Variants in SLC22A23 observed in about 807,000 individuals in gnomAD.
The protein encoded by SLC22A23 is ion transporter protein.
Under a neutral mutation model 61.0 loss-of-function variants are expected in SLC22A23, and 26 were observed. That is an observed-to-expected ratio of 0.43 (90% CI 0.31 to 0.59). SLC22A23 has a LOEUF of 0.59. Among genes scored for constraint, SLC22A23 ranks in the 20% least tolerant of loss-of-function variants. The pLI, the probability that SLC22A23 is intolerant of heterozygous loss-of-function variation, is 0.11. For missense variants in SLC22A23, 796 were observed against 934.7 expected (o/e 0.85, Z 1.94); for synonymous variants, 430 against 413.9 (o/e 1.04, Z -0.47).
At position 3,317,439 on chromosome 6, in the gene SLC22A23, G is replaced by T. The variant is rs1337909336; in HGVS notation, c.1082+6395C>A. On this transcript the variant is annotated intron_variant, in intron 4 of 9. Transcript: ENST00000406686. The surrounding 1 kb of genome is among the most constrained non-coding windows in gnomAD (Gnocchi z 4.4). ...ACCTCCTGCCACCTATCTTCCTAGC[G>T]CATCTAAGCAGAATTCCTCCTAGAT... is the stretch of plus-strand genomic sequence containing the variant. 6.6e-6 allele frequency among the ~76,000 whole-genome samples: 1 copy of T among 152,038 alleles called. No homozygotes were observed. The highest frequency in any genetic ancestry group is 6.6e-5 in the Admixed American group (1 of 15,266).
intron 4 of SLC22A23, among the ~76,000 whole-genome samples, chr6:3,319,544 T>C (rs1762832124): frequency 6.6e-6 from 1 of 152,234 alleles, no homozygotes; most frequent in Non-Finnish European, 1.5e-5. Context: ...GCTCTGGAGA[T>C]GTATCTAGAA....
chr6:3,296,010 G>A (rs1761053773), intron 5 of SLC22A23, among the ~76,000 whole-genome samples: 1 of 152,226 alleles, frequency 6.6e-6, no homozygotes, highest in African/African-American at 2.4e-5. Context: ...TCCAAATATA[G>A]GAGGGAAATG....
chr6:3,440,709 A>G (rs1456145009), intron 1 of SLC22A23, among the ~76,000 whole-genome samples: 1 of 32,620 alleles, frequency 3.1e-5, no homozygotes, highest in Non-Finnish European at 7.7e-5. Context: ...TCCGTCTCAG[A>G]AAAAAAAAAA....
chr6:3,334,584 G>T (rs1192990914), intron 3 of SLC22A23, among the ~76,000 whole-genome samples: 1 of 152,016 alleles, frequency 6.6e-6, no homozygotes, highest in Non-Finnish European at 1.5e-5. Flanking sequence ...AAGTTGCAAA[G>T]AAATTCAAAA....
At chr6:3,397,722 C>T (rs1002661863) in intron 3 of SLC22A23, among the ~76,000 whole-genome samples, 6 of 152,150 alleles carry the variant, frequency 3.9e-5, no homozygotes, top group African/African-American at 1.4e-4. Flanking sequence ...CAAAACAGTG[C>T]TCAGCTATAC....
intron 9 of SLC22A23, chr6:3,282,438 T>C (rs1759556467): frequency 3.2e-6 from 2 of 621,594 alleles, no homozygotes; most frequent in African/African-American, 1.8e-5. Flanking sequence ...TCCAAGAGAA[T>C]GAATCAAAAA....
At chr6:3,409,717 A>C (rs1769080104) in intron 3 of SLC22A23, among the ~76,000 whole-genome samples, 1 of 152,188 alleles carries the variant, frequency 6.6e-6, no homozygotes, top group African/African-American at 2.4e-5. Flanking sequence ...AAAAAGACCA[A>C]ATACTAGCTA....
intron 9 of SLC22A23, among the ~76,000 whole-genome samples, chr6:3,275,845 G>C (rs1336267089): frequency 1.3e-5 from 2 of 152,232 alleles, no homozygotes; most frequent in Non-Finnish European, 2.9e-5. Context: ...GCCTCCCAAA[G>C]TGTTGGGATT....
intron 3 of SLC22A23, among the ~76,000 whole-genome samples, chr6:3,383,459 A>T (rs78217695): frequency 0.022 from 3,391 of 152,328 alleles, 142 homozygotes; most frequent in East Asian, 0.15. Flanking sequence ...ATATCTTATT[A>T]GTATTTTTAT....
intron 3 of SLC22A23, among the ~76,000 whole-genome samples, chr6:3,406,554 A>ATGTGTG (rs1768854343): frequency 3.8e-5 from 1 of 26,264 alleles, no homozygotes; most frequent in Non-Finnish European, 8.4e-5. Flanking sequence ...GTGTGCGCGC[A>ATGTGTG]TGTGTGTGTG....
chr6:3,359,849 T>C (rs1287699520), intron 3 of SLC22A23, among the ~76,000 whole-genome samples: 1 of 152,220 alleles, frequency 6.6e-6, no homozygotes, highest in Admixed American at 6.5e-5. Flanking sequence ...ATCCAGAGGA[T>C]GAAATATAAC....
At chr6:3,273,486 C>A in intron 9 of SLC22A23, 74 bp from the exon 10 acceptor site, 1 of 1,530,278 alleles carries the variant, frequency 6.5e-7, no homozygotes, top group Non-Finnish European at 8.9e-7. Flanking sequence ...TCGGGGTGGA[C>A]CAGGAAGCCA....
At chr6:3,380,999 C>T (rs1165472881) in intron 3 of SLC22A23, among the ~76,000 whole-genome samples, 3 of 152,162 alleles carry the variant, frequency 2.0e-5, no homozygotes, top group Non-Finnish European at 2.9e-5. Flanking sequence ...TCTGCCTAAC[C>T]TCATGGGCAT....
At chr6:3,444,561 T>C (rs1407207423) in intron 1 of SLC22A23, among the ~76,000 whole-genome samples, 1 of 152,084 alleles carries the variant, frequency 6.6e-6, no homozygotes, top group Non-Finnish European at 1.5e-5. Flanking sequence ...TGGCATAAAC[T>C]CAGATTTCTG....
chr6:3,293,167 T>A (rs999792179), intron 5 of SLC22A23, among the ~76,000 whole-genome samples: 1 of 152,156 alleles, frequency 6.6e-6, no homozygotes, highest in African/African-American at 2.4e-5. Flanking sequence ...TGGACGATGC[T>A]AGTGCGTTAG....
intron 3 of SLC22A23, among the ~76,000 whole-genome samples, chr6:3,371,102 G>C (rs1766190712): frequency 1.3e-5 from 2 of 152,214 alleles, no homozygotes; most frequent in African/African-American, 2.4e-5. Context: ...TTCAGACTTA[G>C]AGTGATTATG....
chr6:3,344,866 G>C (rs1392473038), intron 3 of SLC22A23, among the ~76,000 whole-genome samples: 1 of 152,180 alleles, frequency 6.6e-6, no homozygotes, highest in Non-Finnish European at 1.5e-5. Context: ...GCAAACACAG[G>C]AGAAAACTCA....
rs576080958 is a variant in SLC22A23, at chr6:3,377,888, C to T, written c.913+32300G>A. On this transcript the variant is annotated intron_variant, in intron 3 of 9. Coordinates refer to ENST00000406686, the MANE Select transcript of SLC22A23 (RefSeq NM_015482.2). ...GCTGCAGAGGGGATCGTGCCCCTTC[C>T]ACTGCCCAGCAGCCACCAAAAGAAC... 5.9e-5 allele frequency: 9 copies of T among 152,358 alleles called. No individual in the cohort carries two copies. In the East Asian group the frequency reaches 1.5e-3, roughly 26 times the overall value. 9.4% of individuals were successfully genotyped at this position (152,358 alleles called of 1,614,324 possible).
At chr6:3,445,722 G>C (rs1771860859) in intron 1 of SLC22A23, among the ~76,000 whole-genome samples, 1 of 152,130 alleles carries the variant, frequency 6.6e-6, no homozygotes, top group Admixed American at 6.5e-5. Flanking sequence ...AGGAGGGAAG[G>C]GGCTCGAGCA....
Sources: allele counts gnomAD v4.1 joint callset (sites outside exome capture counted in the v4.1 genomes callset), GRCh38; gene constraint gnomAD v4.1.1; non-coding constraint Gnocchi (gnomAD v3.1); transcripts MANE v1.5; gene names NCBI Gene and HGNC (gene_info 2026-07-23, HGNC 2026-07-21).